The following SLC25A13 variants were observed in gnomAD, a reference collection of about 807,000 sequenced individuals.
SLC25A13 encodes electrogenic aspartate/glutamate antiporter SLC25A13, mitochondrial.
SLC25A13 carries 70 observed loss-of-function variants against 85.5 expected under a neutral mutation model. That is an observed-to-expected ratio of 0.82 (90% CI 0.68 to 1.00). The LOEUF is 1.00. Ranked by LOEUF, SLC25A13 falls within the 50% of genes least tolerant of loss-of-function variation. The pLI, the probability that SLC25A13 is intolerant of heterozygous loss-of-function variation, is 0.00. For synonymous variants in SLC25A13, 259 were observed against 288.7 expected, an observed-to-expected ratio of 0.90 and a Z score of 1.04; for missense variants, 765 against 819.8, an observed-to-expected ratio of 0.93 and a Z score of 0.82.
At chr7:96,142,093 C>A (rs1792589213) in intron 14 of SLC25A13, among the ~76,000 whole-genome samples, 1 of 152,170 alleles carries the variant, frequency 6.6e-6, no homozygotes, top group African/African-American at 2.4e-5. Flanking sequence ...TGTTAAAACA[C>A]AATTTTACTT....
chr7:96,139,744 G>A (rs866573361), intron 14 of SLC25A13, among the ~76,000 whole-genome samples: 101 of 152,274 alleles, frequency 6.6e-4, no homozygotes, highest in Middle Eastern at 6.8e-3. Flanking sequence ...TGACTGCCTT[G>A]TTTCACTTAA....
chr7:96,293,621 A>T (rs972269209), intron 2 of SLC25A13, among the ~76,000 whole-genome samples: 29 of 152,250 alleles, frequency 1.9e-4, no homozygotes, highest in African/African-American at 7.0e-4. Context: ...TGGGTGAAGG[A>T]TGTGAACAGA....
chr7:96,182,224 T>C (rs1259788985), intron 11 of SLC25A13, among the ~76,000 whole-genome samples: 1 of 152,224 alleles, frequency 6.6e-6, no homozygotes, highest in Non-Finnish European at 1.5e-5. Flanking sequence ...TATTTTAACC[T>C]GAACTGTCAG....
At chr7:96,134,793 T>TTTTATATATATATATATATATATATA (rs940988441) in intron 14 of SLC25A13, among the ~76,000 whole-genome samples, 7 of 102,240 alleles carry the variant, frequency 6.8e-5, no homozygotes, top group African/African-American at 2.9e-4. Flanking sequence ...ACAAACAATT[T>TTTTATATATATATATATATATATATA]TATATATATA....
intron 1 of SLC25A13, among the ~76,000 whole-genome samples, chr7:96,302,120 T>A (rs762862581): frequency 5.3e-5 from 8 of 152,208 alleles, no homozygotes; most frequent in Non-Finnish European, 1.2e-4. Flanking sequence ...GTTATAATTG[T>A]GTAAGTCATC....
At chr7:96,307,655 C>G (rs1799798514) in intron 1 of SLC25A13, among the ~76,000 whole-genome samples, 1 of 151,920 alleles carries the variant, frequency 6.6e-6, no homozygotes, top group African/African-American at 2.4e-5. Flanking sequence ...TTGATGATTA[C>G]TACTGGCTAG....
At chr7:96,139,945 C>CTTTTTTTTT (rs59749381) in intron 14 of SLC25A13, among the ~76,000 whole-genome samples, 13 of 86,368 alleles carry the variant, frequency 1.5e-4, no homozygotes, top group African/African-American at 3.6e-4. Flanking sequence ...GATTTCCATT[C>CTTTTTTTTT]TTTTTTTTTT....
chr7:96,224,203 A>T (rs1584478015), intron 4 of SLC25A13, among the ~76,000 whole-genome samples: 2 of 152,106 alleles, frequency 1.3e-5, no homozygotes, highest in African/African-American at 4.8e-5. Context: ...CTTCACATAG[A>T]TACTGTGAAG....
intron 14 of SLC25A13, among the ~76,000 whole-genome samples, chr7:96,137,419 C>T (rs1792332850): frequency 6.6e-6 from 1 of 152,182 alleles, no homozygotes; most frequent in Non-Finnish European, 1.5e-5. Context: ...ATCATCTTGA[C>T]AACTCTGTTT....
At chr7:96,233,766 T>C (rs1455627957) in intron 4 of SLC25A13, among the ~76,000 whole-genome samples, 2 of 152,226 alleles carry the variant, frequency 1.3e-5, no homozygotes, top group African/African-American at 4.8e-5. Flanking sequence ...TTACACCATC[T>C]GTATTTTTCC....
chr7:96,218,775 AC>A (rs1223169333), intron 4 of SLC25A13, among the ~76,000 whole-genome samples: 1 of 152,150 alleles, frequency 6.6e-6, no homozygotes, highest in Admixed American at 6.5e-5. Flanking sequence ...CATAAAAGTA[AC>A]CCCTCTTGGA....
At chr7:96,316,960 G>A (rs566727357) in intron 1 of SLC25A13, among the ~76,000 whole-genome samples, 9 of 152,104 alleles carry the variant, frequency 5.9e-5, no homozygotes, top group South Asian at 2.1e-4. Flanking sequence ...CTAATTATCC[G>A]ATCTTTTTTA....
chr7:96,172,154 T>A (rs1456605506), intron 11 of SLC25A13, among the ~76,000 whole-genome samples: 1 of 152,170 alleles, frequency 6.6e-6, no homozygotes, highest in Non-Finnish European at 1.5e-5. Context: ...ACTCTCTTCC[T>A]AAAGGAGCAG....
At chr7:96,205,369 G>T (rs962878223) in intron 5 of SLC25A13, among the ~76,000 whole-genome samples, 1 of 152,184 alleles carries the variant, frequency 6.6e-6, no homozygotes, top group African/African-American at 2.4e-5. Context: ...ACGTGGAGAG[G>T]TTTACAGAAT....
At chr7:96,216,741 A>T (rs1034518745) in intron 4 of SLC25A13, among the ~76,000 whole-genome samples, 8 of 152,152 alleles carry the variant, frequency 5.3e-5, no homozygotes, top group African/African-American at 1.7e-4. Context: ...AGTGGGGCCT[A>T]CCAGAGGGTA....
chr7:96,282,492 C>G (rs1206761751), intron 2 of SLC25A13, among the ~76,000 whole-genome samples: 1 of 152,018 alleles, frequency 6.6e-6, no homozygotes, highest in African/African-American at 2.4e-5. Context: ...ATCTGCCCAT[C>G]CTTTACTTTG....
intron 2 of SLC25A13, among the ~76,000 whole-genome samples, chr7:96,289,916 A>G (rs918943807): frequency 3.3e-5 from 5 of 152,146 alleles, no homozygotes; most frequent in Admixed American, 3.3e-4. Context: ...AGAACGCCAC[A>G]AAGATACTCC....
chr7:96,316,197 T>C (rs1800121207), intron 1 of SLC25A13, among the ~76,000 whole-genome samples: 1 of 152,162 alleles, frequency 6.6e-6, no homozygotes, highest in Admixed American at 6.6e-5. Context: ...TGGTGACAGT[T>C]ACACAACTCT....
chr7:96,288,649 C>T lies in SLC25A13; in HGVS notation c.69+8249G>A, dbSNP rs144773382. Among the ~76,000 whole-genome samples, 641 of 152,298 alleles carry T rather than the reference C, an allele frequency of 4.2e-3. 2 individuals are homozygous for T. Among genetic ancestry groups the T allele is most frequent in the African/African-American group, 0.014 (569 of 41,580 alleles). ...CCTGCGCCTCGCTCGGAGGGTCCCA[C>T]GCCCACGGAGCCTCGCTCATTGCTA... On this transcript the variant is annotated intron_variant, in intron 2 of 17. Transcript: ENST00000265631.
Sources: allele counts gnomAD v4.1 joint callset (sites outside exome capture counted in the v4.1 genomes callset), GRCh38; gene constraint gnomAD v4.1.1; transcripts MANE v1.5; gene names NCBI Gene and HGNC (gene_info 2026-07-23, HGNC 2026-07-21).